PLCH2: variants seen among roughly 807,000 people sequenced by gnomAD.
PLCH2 encodes phospholipase C eta 2.
In PLCH2, 98 loss-of-function variants were observed where a neutral mutation model predicts 134.7. The observed-to-expected ratio is 0.73, with a 90% CI of 0.62 to 0.86. PLCH2 has a LOEUF of 0.86. Among genes scored for constraint, PLCH2 ranks in the 40% least tolerant of loss-of-function variants. The pLI, the probability that PLCH2 is intolerant of heterozygous loss-of-function variation, is 0.00. For synonymous variants in PLCH2, 974 were observed against 827.5 expected (o/e 1.18, Z -3.04); for missense variants, 1,994 against 1,986.6 (o/e 1.00, Z -0.07).
the PLCH2 span, among the ~76,000 whole-genome samples, chr1:2,419,392 T>C: frequency 1.3e-5 from 2 of 152,126 alleles, no homozygotes; most frequent in Admixed American, 6.5e-5. Flanking sequence ...TTCCCACTGA[T>C]TGTGAAGAGA....
intron 2 of PLCH2, among the ~76,000 whole-genome samples, chr1:2,455,881 T>A (rs1271320036): frequency 2.0e-5 from 3 of 152,064 alleles, no homozygotes; most frequent in African/African-American, 7.2e-5. Flanking sequence ...TGGGTGGAGG[T>A]GAGCATCCCG....
chr1:2,471,539 C>T (rs951462119), upstream of PLCH2, among the ~76,000 whole-genome samples: 1 of 152,214 alleles, frequency 6.6e-6, no homozygotes, highest in Non-Finnish European at 1.5e-5. Context: ...ACCGGGTGGC[C>T]GGATGACAGA....
intron 2 of PLCH2, among the ~76,000 whole-genome samples, chr1:2,443,903 G>C (rs1639813685): frequency 6.6e-6 from 1 of 151,390 alleles, no homozygotes; most frequent in Non-Finnish European, 1.5e-5. Flanking sequence ...CCCCGCCCCC[G>C]CCGCCCTCGC....
chr1:2,470,907 C>A (rs1401818786), intron 1 of PLCH2, among the ~76,000 whole-genome samples: 1 of 152,196 alleles, frequency 6.6e-6, no homozygotes, highest in Non-Finnish European at 1.5e-5. Flanking sequence ...CGTGCACCTG[C>A]CTTCAGAGAG....
intron 1 of PLCH2, among the ~76,000 whole-genome samples, chr1:2,477,714 C>T (rs1641709936): frequency 6.6e-6 from 1 of 152,102 alleles, no homozygotes; most frequent in African/African-American, 2.4e-5. Context: ...GGCAGGCAGC[C>T]TGGGGGAGGG....
intron 2 of PLCH2, among the ~76,000 whole-genome samples, chr1:2,459,312 C>G (rs1288270414): frequency 3.5e-5 from 5 of 141,396 alleles, no homozygotes; most frequent in African/African-American, 1.5e-4. Flanking sequence ...GGTCCTCCTT[C>G]CTGGTGGTCC....
chr1:2,496,895 G>C lies in PLCH2; in HGVS notation c.2001G>C (p.Pro667=), dbSNP rs182903876. The change falls in exon 15 of 22, where the codon CCG becomes CCC. Residue 667 remains proline, a synonymous_variant. Coordinates refer to ENST00000378486, the MANE Select transcript of PLCH2 (RefSeq NM_014638.4). ...CCCACCAGATTCTGCAGCAGAAGCC[G>C]GCGCAGTACCTACGCTTCAACCAGC... The part of the protein sequence containing the change: ...TKAHQILQQK[P]AQYLRFNQQQ... 1.2e-6 allele frequency: 2 copies of C among 1,613,036 alleles called. No individual in the cohort carries two copies. Among genetic ancestry groups the C allele is most frequent in the Admixed American group, 3.3e-5 (2 of 60,036 alleles).
intron 9 of PLCH2, 22 bp downstream of exon 9, chr1:2,489,400 T>G (rs1452084943): frequency 6.2e-7 from 1 of 1,611,510 alleles, no homozygotes; most frequent in Non-Finnish European, 8.5e-7. Context: ...CCTGCCCTCC[T>G]GGGACCAGCT....
intron 8 of PLCH2, among the ~76,000 whole-genome samples, chr1:2,488,555 C>G (rs932817040): frequency 6.6e-6 from 1 of 152,392 alleles, no homozygotes; most frequent in East Asian, 1.9e-4. Context: ...TTCATGCCCT[C>G]TTGCTCTGGG....
chr1:2,432,850 CCTGGGAGGCGCCT>C (rs1346113684), intron 2 of PLCH2, among the ~76,000 whole-genome samples: 3 of 152,184 alleles, frequency 2.0e-5, no homozygotes, highest in Non-Finnish European at 4.4e-5. Context: ...AGGAGCTGCC[CCTGGGAGGCGCCT>C]GGAGGTCTTT....
chr1:2,470,853 T>C (rs949464820), intron 1 of PLCH2, among the ~76,000 whole-genome samples: 1 of 152,182 alleles, frequency 6.6e-6, no homozygotes, highest in African/African-American at 2.4e-5. Context: ...TGGCTCCCTC[T>C]GCAGCTCCTC....
chr1:2,467,466 G>A (rs1030664785), exon 1 of PLCH2: 6 of 392,712 alleles, frequency 1.5e-5, no homozygotes, highest in African/African-American at 4.1e-5. Context: ...CCTCACGGGC[G>A]GGCGCGGCAG....
rs767684394 is a variant in PLCH2, at chr1:2,495,578, C to T, written c.1835+8C>T. On this transcript the variant is annotated splice_region_variant and intron_variant, in intron 13 of 21. Coordinates refer to ENST00000378486, the MANE Select transcript of PLCH2 (RefSeq NM_014638.4). ...GGGAGGCCAGAGCCGAGGGTAGGTG[C>T]CCTGCCCCACGGGGAGGCCCCGCAC... 38 of 1,537,354 alleles carry T rather than the reference C, an allele frequency of 2.5e-5. No homozygotes were observed. The South Asian group carries it at 4.6e-4, about 19-fold the overall frequency.
At chr1:2,417,364 C>G in the PLCH2 span, among the ~76,000 whole-genome samples, 1 of 152,082 alleles carries the variant, frequency 6.6e-6, no homozygotes, top group African/African-American at 2.4e-5. Flanking sequence ...CCTTTTCTGA[C>G]AAGTGGAGGC....
Position 2,479,848 on chromosome 1 carries a change from A to T in PLCH2, c.386A>T (p.His129Leu). The change falls in exon 3 of 22, where the codon CAC (histidine) becomes CTC (leucine). Residue 129 changes from histidine to leucine, a missense_variant. Around this residue, in one of 2 missense-constraint regions of PLCH2, gnomAD observed 1,094 missense variants for 1,234.3 expected, o/e 0.89. Coordinates refer to ENST00000378486, the MANE Select transcript of PLCH2 (RefSeq NM_014638.4). The stretch of plus-strand genomic sequence containing the variant: ...TGCTTCAGCATCTACCACGGCAGCC[A>T]CCGCGAGTCGCTGGACCTGGTCTCC... ...NCCFSIYHGS[H>L]RESLDLVSTS... is the part of the protein sequence containing the mutation. 1 of 1,610,570 alleles carries T rather than the reference A, an allele frequency of 6.2e-7. No homozygotes were observed. The highest frequency in any genetic ancestry group is 8.5e-7 in the Non-Finnish European group (1 of 1,179,106).
chr1:2,467,193 G>A (rs546198588), upstream of PLCH2, among the ~76,000 whole-genome samples: 2 of 152,200 alleles, frequency 1.3e-5, no homozygotes, highest in South Asian at 4.1e-4. Context: ...GAGGGAGGGA[G>A]GGAGGGAGGA....
intron 16 of PLCH2, 185 bp downstream of exon 16, chr1:2,497,794 TC>T (rs1642979332): frequency 1.8e-6 from 1 of 542,978 alleles, no homozygotes. Context: ...GGGGGAACCC[TC>T]CTTGCTAGCG....
intron 2 of PLCH2, among the ~76,000 whole-genome samples, chr1:2,460,153 G>A (rs1187927990): frequency 1.3e-5 from 2 of 152,274 alleles, no homozygotes; most frequent in African/African-American, 4.8e-5. Context: ...GTGCCCCCAT[G>A]GGACTGGCCC....
Position 2,495,583 on chromosome 1 carries a change from C to T in PLCH2, c.1835+13C>T, listed in dbSNP as rs1457517926. ...GCCAGAGCCGAGGGTAGGTGCCCTG[C>T]CCCACGGGGAGGCCCCGCACACTCC... On this transcript the variant is annotated intron_variant, in intron 13 of 21. Transcript: ENST00000378486. The T allele has an allele frequency of 1.2e-5, 18 of 1,533,682 alleles. No individual in the cohort carries two copies. In the South Asian group the frequency reaches 1.2e-4, roughly 10 times the overall value.
Sources: gnomAD v4.1 joint callset for allele counts (sites outside exome capture counted in the v4.1 genomes callset) on GRCh38, gnomAD v4.1.1 for gene constraint, gnomAD v4.1.1 regional missense constraint, MANE v1.5 for transcripts, NCBI Gene and HGNC (gene_info 2026-07-23, HGNC 2026-07-21) for gene names.